Variants in TAFA1 observed in about 807,000 individuals in gnomAD.
The protein encoded by TAFA1 is chemokine-like protein TAFA-1.
Under a neutral mutation model 18.5 loss-of-function variants are expected in TAFA1, and 4 were observed. That is an observed-to-expected ratio of 0.22 (90% CI 0.11 to 0.49). The LOEUF (loss-of-function observed/expected upper bound fraction) is 0.49, where lower values mean the gene tolerates loss of function less well. Ranked by LOEUF, TAFA1 falls within the 20% of genes least tolerant of loss-of-function variation. TAFA1 has a pLI of 0.98. For synonymous variants in TAFA1, 56 were observed against 55.2 expected (o/e 1.01, Z -0.06); for missense variants, 147 against 169.0 (o/e 0.87, Z 0.72).
intron 2 of TAFA1, among the ~76,000 whole-genome samples, chr3:68,146,273 C>T (rs1296683639): frequency 1.3e-5 from 2 of 152,296 alleles, no homozygotes; most frequent in Middle Eastern, 3.4e-3. Context: ...CCCAGGGGTT[C>T]TGTTGAGGCT....
intron 2 of TAFA1, among the ~76,000 whole-genome samples, chr3:68,131,796 G>A (rs773874750): frequency 1.9e-4 from 29 of 152,130 alleles, no homozygotes; most frequent in Non-Finnish European, 3.2e-4. Context: ...TTTAGCAGAC[G>A]TAGAATGGGG....
intron 3 of TAFA1, among the ~76,000 whole-genome samples, chr3:68,480,279 TGTAATCC>T (rs2072205896): frequency 1.3e-5 from 2 of 150,668 alleles, no homozygotes; most frequent in Non-Finnish European, 2.9e-5. Context: ...GGCACTCACC[TGTAATCC>T]CAGCTACTTG....
At chr3:68,039,379 CT>C (rs1705117130) in intron 2 of TAFA1, among the ~76,000 whole-genome samples, 1 of 152,062 alleles carries the variant, frequency 6.6e-6, no homozygotes, top group Non-Finnish European at 1.5e-5. Flanking sequence ...GGGACAAGTA[CT>C]CTTTAACAAT....
chr3:68,486,924 C>A (rs1247596411), intron 3 of TAFA1, among the ~76,000 whole-genome samples: 2 of 152,094 alleles, frequency 1.3e-5, no homozygotes, highest in Admixed American at 6.5e-5. Flanking sequence ...AATTTAAAAC[C>A]ATTTAAAATG....
At chr3:68,131,302 T>C (rs1290324588) in intron 2 of TAFA1, among the ~76,000 whole-genome samples, 1 of 152,122 alleles carries the variant, frequency 6.6e-6, no homozygotes, top group African/African-American at 2.4e-5. Context: ...TAATCATCTC[T>C]GAACACACAG....
intron 3 of TAFA1, among the ~76,000 whole-genome samples, chr3:68,449,903 C>T (rs1418425358): frequency 1.3e-5 from 2 of 152,182 alleles, no homozygotes; most frequent in African/African-American, 2.4e-5. Context: ...AAAGATATTT[C>T]CTTCCTTACT....
At chr3:68,345,156 A>G (rs561912221) in intron 2 of TAFA1, among the ~76,000 whole-genome samples, 1 of 152,292 alleles carries the variant, frequency 6.6e-6, no homozygotes, top group East Asian at 1.9e-4. Flanking sequence ...AGAGATCACC[A>G]TTTTGAACCA....
At chr3:68,355,832 T>C (rs979918881) in intron 2 of TAFA1, among the ~76,000 whole-genome samples, 1 of 152,010 alleles carries the variant, frequency 6.6e-6, no homozygotes, top group South Asian at 2.1e-4. Context: ...GAGCAACCTG[T>C]CACTTATGGT....
intron 3 of TAFA1, among the ~76,000 whole-genome samples, chr3:68,426,901 G>A (rs1303568520): frequency 6.6e-6 from 1 of 151,884 alleles, no homozygotes; most frequent in African/African-American, 2.4e-5. Context: ...GAATTTTGAT[G>A]TTATTTTAAT....
chr3:68,292,627 A>G (rs1312306123), intron 2 of TAFA1, among the ~76,000 whole-genome samples: 1 of 152,154 alleles, frequency 6.6e-6, no homozygotes, highest in Non-Finnish European at 1.5e-5. Flanking sequence ...CCTGGGCTCA[A>G]GTGATCCTCC....
At chr3:68,501,504 A>G (rs903177203) in intron 3 of TAFA1, among the ~76,000 whole-genome samples, 12 of 152,302 alleles carry the variant, frequency 7.9e-5, no homozygotes, top group Admixed American at 1.3e-4. Context: ...TACTTACTTA[A>G]CTCTACTTTC....
chr3:68,458,911 C>A (rs1163962665), intron 3 of TAFA1, among the ~76,000 whole-genome samples: 1 of 151,854 alleles, frequency 6.6e-6, no homozygotes, highest in African/African-American at 2.4e-5. Flanking sequence ...AACAGATTTA[C>A]TTTCGGGAGG....
intron 2 of TAFA1, among the ~76,000 whole-genome samples, chr3:68,312,923 G>A (rs1225407845): frequency 2.0e-5 from 3 of 152,176 alleles, no homozygotes; most frequent in African/African-American, 7.2e-5. Flanking sequence ...CACATGGCTG[G>A]GGAAGCCTCA....
rs540478638 is a variant in TAFA1, at chr3:68,440,871, A to G, written c.259+23451A>G. On this transcript the variant is annotated intron_variant, in intron 3 of 4. Coordinates refer to ENST00000478136, the MANE Select transcript of TAFA1 (RefSeq NM_213609.4). ...CCCCCTTCTTAGCCTGTTGACTTAAAGGTAGAGGAGCCCAAAGTGTCCAGG... is the reference window on the plus strand; with the variant it reads ...CCCCCTTCTTAGCCTGTTGACTTAAGGGTAGAGGAGCCCAAAGTGTCCAGG... Among the ~76,000 whole-genome samples, 5 of 152,262 alleles carry G rather than the reference A, an allele frequency of 3.3e-5. No homozygotes were observed. The South Asian group carries it at 1.0e-3, about 32-fold the overall frequency.
intron 2 of TAFA1, among the ~76,000 whole-genome samples, chr3:68,193,244 G>A (rs1293613213): frequency 1.3e-5 from 2 of 151,720 alleles, no homozygotes; most frequent in Admixed American, 6.6e-5. Context: ...AATCTAGTAG[G>A]AGAGAGATTT....
intron 3 of TAFA1, among the ~76,000 whole-genome samples, chr3:68,516,039 T>C (rs12489309): frequency 0.49 from 74,171 of 152,106 alleles, 18,649 homozygotes; most frequent in Admixed American, 0.56. Context: ...AGCAGATATA[T>C]TGGTCTCTGT....
At chr3:68,318,871 A>G (rs1248296816) in intron 2 of TAFA1, among the ~76,000 whole-genome samples, 1 of 152,208 alleles carries the variant, frequency 6.6e-6, no homozygotes, top group East Asian at 1.9e-4. Context: ...TATACCTACT[A>G]ATAAAAGAAA....
At chr3:68,311,296 C>G (rs1390237794) in intron 2 of TAFA1, among the ~76,000 whole-genome samples, 1 of 63,154 alleles carries the variant, frequency 1.6e-5, no homozygotes, top group Non-Finnish European at 3.2e-5. Context: ...TGCCCCTGGC[C>G]TCTCTCAAAT....
intron 2 of TAFA1, among the ~76,000 whole-genome samples, chr3:68,274,416 T>A (rs2067749389): frequency 6.6e-6 from 1 of 152,222 alleles, no homozygotes; most frequent in South Asian, 2.1e-4. Context: ...CAGTGTGGGA[T>A]GCCAATACAT....
Sources: allele counts gnomAD v4.1 joint callset (sites outside exome capture counted in the v4.1 genomes callset), GRCh38; gene constraint gnomAD v4.1.1; transcripts MANE v1.5; gene names NCBI Gene and HGNC (gene_info 2026-07-23, HGNC 2026-07-21).